Variants in RASAL2 observed in about 807,000 individuals in gnomAD.
RASAL2 encodes RAS protein activator like 2, also known as ras GTPase-activating protein nGAP.
In RASAL2, 58 loss-of-function variants were observed where a neutral mutation model predicts 128.9. The observed-to-expected ratio is 0.45, with a 90% confidence interval of 0.36 to 0.56. The LOEUF (loss-of-function observed/expected upper bound fraction) is 0.56, where lower values mean the gene tolerates loss of function less well. RASAL2 is among the 20% of genes least tolerant of loss of function. RASAL2 has a pLI of 0.00. For synonymous variants in RASAL2, 561 were observed against 580.8 expected (o/e 0.97, Z 0.49); for missense variants, 1,360 against 1,601.6 (o/e 0.85, Z 2.57).
intron 1 of RASAL2, among the ~76,000 whole-genome samples, chr1:178,184,397 T>A (rs1352718636): frequency 6.6e-6 from 1 of 151,826 alleles, no homozygotes; most frequent in Non-Finnish European, 1.5e-5. Context: ...TCCTGTTTTT[T>A]TTTTTAAAGA....
intron 1 of RASAL2, among the ~76,000 whole-genome samples, chr1:178,239,810 T>C (rs1232474153): frequency 6.6e-6 from 1 of 152,016 alleles, no homozygotes; most frequent in Non-Finnish European, 1.5e-5. Flanking sequence ...TTAAGTTTTA[T>C]TTACCTCTAT....
At chr1:178,390,243 T>C in intron 4 of RASAL2, 37 bp downstream of exon 4, 1 of 1,486,964 alleles carries the variant, frequency 6.7e-7, no homozygotes, top group South Asian at 1.2e-5. Context: ...TATTTTACTT[T>C]TCCTTTTCTC....
chr1:178,146,494 T>C (rs1186766091), intron 1 of RASAL2, among the ~76,000 whole-genome samples: 1 of 152,270 alleles, frequency 6.6e-6, no homozygotes, highest in Non-Finnish European at 1.5e-5. Context: ...AAAATACTGG[T>C]TGCGGCCATT....
At chr1:178,265,626 T>C (rs749814061) in intron 1 of RASAL2, among the ~76,000 whole-genome samples, 7 of 152,206 alleles carry the variant, frequency 4.6e-5, no homozygotes, top group Non-Finnish European at 1.0e-4. Context: ...GTAAACTTTT[T>C]ATGAAAGGAT....
intron 5 of RASAL2, among the ~76,000 whole-genome samples, chr1:178,438,451 A>C (rs771082537): frequency 2.0e-5 from 3 of 151,902 alleles, no homozygotes; most frequent in Non-Finnish European, 4.4e-5. Context: ...CTTGAAATAT[A>C]TGTGTGTAAC....
At chr1:178,099,939 G>A (rs968749339) in intron 1 of RASAL2, among the ~76,000 whole-genome samples, 3 of 151,998 alleles carry the variant, frequency 2.0e-5, no homozygotes, top group African/African-American at 7.2e-5. Flanking sequence ...TGCAGCCTGG[G>A]TGACAGAGTG....
At chr1:178,234,213 G>C (rs1664134285) in intron 1 of RASAL2, among the ~76,000 whole-genome samples, 1 of 152,132 alleles carries the variant, frequency 6.6e-6, no homozygotes, top group South Asian at 2.1e-4. Context: ...GTGCAATTTG[G>C]AGGGGAAAAT....
At chr1:178,449,540 C>T (rs147983268) in intron 9 of RASAL2, among the ~76,000 whole-genome samples, 1 of 151,970 alleles carries the variant, frequency 6.6e-6, no homozygotes, top group East Asian at 1.9e-4. Context: ...AACAACATAA[C>T]AAGCACCCCC....
chr1:178,456,906 AAGAG>A lies in RASAL2; in HGVS notation c.2390+11_2390+14del. On this transcript the variant is annotated splice_region_variant and intron_variant, in intron 13 of 17. Transcript: ENST00000367649. Reference sequence around the variant, plus strand: ...TTGAAGACCCCACTGACAGGTATGAAAGAGAGAATTTGACCACTATCTCGGAGAA... The same window carrying A: ...TTGAAGACCCCACTGACAGGTATGAAAGAATTTGACCACTATCTCGGAGAA... 6.2e-7 allele frequency: 1 copy of A among 1,611,700 alleles called. No homozygotes were observed. Among genetic ancestry groups the A allele is most frequent in the Non-Finnish European group, 8.5e-7 (1 of 1,178,558 alleles).
chr1:178,413,253 C>T (rs1260465439), intron 4 of RASAL2, among the ~76,000 whole-genome samples: 3 of 152,232 alleles, frequency 2.0e-5, no homozygotes, highest in African/African-American at 7.2e-5. Flanking sequence ...AGCCACCACA[C>T]CTGGCCCGTT....
At chr1:178,217,103 G>C (rs1283117681) in intron 1 of RASAL2, among the ~76,000 whole-genome samples, 1 of 152,048 alleles carries the variant, frequency 6.6e-6, no homozygotes, top group Non-Finnish European at 1.5e-5. Flanking sequence ...AGCCCACCGA[G>C]TAGCTGGGAT....
chr1:178,369,787 C>T (rs1401471464), intron 3 of RASAL2, among the ~76,000 whole-genome samples: 1 of 151,998 alleles, frequency 6.6e-6, no homozygotes, highest in Non-Finnish European at 1.5e-5. Flanking sequence ...AGTTATAAAT[C>T]TACTATATGC....
chr1:178,094,724 G>A, intron 1 of RASAL2, 30 bp downstream of exon 1: 3 of 1,611,368 alleles, frequency 1.9e-6, no homozygotes, highest in Non-Finnish European at 2.5e-6. Context: ...TTAGAGGCTG[G>A]TGTTTCCTAT....
intron 3 of RASAL2, 59 bp from the exon 4 acceptor site, chr1:178,390,041 G>T: frequency 7.3e-6 from 8 of 1,101,944 alleles, no homozygotes; most frequent in Non-Finnish European, 1.1e-5. Context: ...TTACAGTTCA[G>T]TGGAAGATCC....
At chr1:178,203,854 C>G (rs1042143878) in intron 1 of RASAL2, among the ~76,000 whole-genome samples, 6 of 152,148 alleles carry the variant, frequency 3.9e-5, no homozygotes, top group Non-Finnish European at 5.9e-5. Flanking sequence ...CTTAGTATTA[C>G]CATACTCTGT....
At chr1:178,341,663 TG>T (rs1339682778) in intron 3 of RASAL2, 1 of 1,610,998 alleles carries the variant, frequency 6.2e-7, no homozygotes, top group Admixed American at 1.7e-5. Flanking sequence ...TTAAGGGGAA[TG>T]TGGCTTTTTA....
intron 1 of RASAL2, among the ~76,000 whole-genome samples, chr1:178,100,262 TTC>T (rs1658841564): frequency 6.6e-6 from 1 of 151,984 alleles, no homozygotes; most frequent in African/African-American, 2.4e-5. Context: ...ATGCCCATAA[TTC>T]CAGCACTTTA....
At chr1:178,246,474 C>T (rs1422724706) in intron 1 of RASAL2, among the ~76,000 whole-genome samples, 3 of 152,104 alleles carry the variant, frequency 2.0e-5, no homozygotes, top group East Asian at 1.9e-4. Context: ...GGGGCTGAGA[C>T]GATGGGATTT....
At chr1:178,150,118 GT>G (rs142936554) in intron 1 of RASAL2, among the ~76,000 whole-genome samples, 1 of 152,278 alleles carries the variant, frequency 6.6e-6, no homozygotes, top group African/African-American at 2.4e-5. Flanking sequence ...TAGATTTTCT[GT>G]GATGTTTTAA....
Sources: allele counts gnomAD v4.1 joint callset (sites outside exome capture counted in the v4.1 genomes callset), GRCh38; gene constraint gnomAD v4.1.1; transcripts MANE v1.5; gene names NCBI Gene and HGNC (gene_info 2026-07-23, HGNC 2026-07-21).